SPRED1: variants seen among roughly 807,000 people sequenced by gnomAD.
SPRED1 encodes sprouty related EVH1 domain containing 1, also known as sprouty-related, EVH1 domain-containing protein 1.
In SPRED1, 18 loss-of-function variants were observed where a neutral mutation model predicts 52.3. That is an observed-to-expected ratio of 0.34 (90% confidence interval 0.24 to 0.51). The LOEUF (loss-of-function observed/expected upper bound fraction) is 0.51. Among genes scored for constraint, SPRED1 ranks in the 20% least tolerant of loss-of-function variants. The pLI is 0.97. For missense variants in SPRED1, 485 were observed against 551.0 expected, an observed-to-expected ratio of 0.88 and a Z score of 1.20; for synonymous variants, 155 against 179.7, an observed-to-expected ratio of 0.86 and a Z score of 1.10.
intron 1 of SPRED1, among the ~76,000 whole-genome samples, chr15:38,272,276 G>GTTTTTTGTTTT (rs1894451573): frequency 7.6e-6 from 1 of 131,426 alleles, no homozygotes; most frequent in African/African-American, 2.8e-5. Context: ...CGAATGCTAG[G>GTTTTTTGTTTT]TTTTTTTTTT....
chr15:38,267,010 A>G (rs891519332), intron 1 of SPRED1, among the ~76,000 whole-genome samples: 3 of 152,324 alleles, frequency 2.0e-5, no homozygotes, highest in Non-Finnish European at 4.4e-5. Context: ...AGATTTAGTC[A>G]GGTGGTATAA....
Position 38,316,748 on chromosome 15 carries a change from G to GGTTTTTTTTTT in SPRED1, c.208-5493_208-5492insGTTTTTTTTTT. 1.8e-3 allele frequency among the ~76,000 whole-genome samples: 75 copies of GGTTTTTTTTTT among 41,870 alleles called. 10 individuals carry two copies. The highest frequency in any genetic ancestry group is 9.2e-3 in the East Asian group (6 of 654). 27.5% of individuals were successfully genotyped at this position (41,870 alleles called of 152,430 possible). A position where few individuals can be genotyped will look rare whatever the true frequency, so the allele number is the denominator to read the frequency against. On this transcript the variant is annotated intron_variant, in intron 2 of 6. Transcript: ENST00000299084. ...TCTAGTTTACAATTTTCCATTATAT[G>GGTTTTTTTTTT]TTTTTTTTTTTTTTTTTTTTTTTTG... is the stretch of plus-strand genomic sequence containing the variant.
chr15:38,305,640 A>G (rs938943754), intron 2 of SPRED1, among the ~76,000 whole-genome samples: 3 of 150,462 alleles, frequency 2.0e-5, no homozygotes, highest in Admixed American at 2.0e-4. Context: ...GTATATAGAC[A>G]CAGTGACCAA....
At chr15:38,321,269 T>C (rs375168690) in intron 2 of SPRED1, among the ~76,000 whole-genome samples, 53 of 152,310 alleles carry the variant, frequency 3.5e-4, no homozygotes, top group African/African-American at 1.1e-3. Context: ...ACAGGAATTT[T>C]CTGTGTTATT....
At chr15:38,289,503 G>A (rs948307415) in intron 1 of SPRED1, among the ~76,000 whole-genome samples, 3 of 151,798 alleles carry the variant, frequency 2.0e-5, no homozygotes, top group South Asian at 2.1e-4. Flanking sequence ...CAGAACCTGT[G>A]AGTATGTTAG....
rs552969437 is a variant in SPRED1, at chr15:38,330,215, A to G, written c.423+5406A>G. On this transcript the variant is annotated intron_variant, in intron 4 of 6. Coordinates refer to ENST00000299084, the MANE Select transcript of SPRED1 (RefSeq NM_152594.3). The stretch of plus-strand genomic sequence containing the variant: ...GTTCTTCTGTTGAATAAGCCAGGTT[A>G]GAGGACTTGTTTTCCTTTACCACTA... Among the ~76,000 whole-genome samples the G allele has an allele frequency of 4.6e-5, 7 of 151,268 alleles. No individual in the cohort carries two copies. The South Asian group carries it at 8.3e-4, about 18-fold the overall frequency.
chr15:38,348,208 T>C (rs1192074876), intron 5 of SPRED1, among the ~76,000 whole-genome samples: 1 of 152,130 alleles, frequency 6.6e-6, no homozygotes, highest in African/African-American at 2.4e-5. Flanking sequence ...TTTTCTTTTT[T>C]TCACTTGACC....
At chr15:38,341,424 T>C (rs893893140) in intron 5 of SPRED1, among the ~76,000 whole-genome samples, 1 of 151,944 alleles carries the variant, frequency 6.6e-6, no homozygotes, top group African/African-American at 2.4e-5. Flanking sequence ...CCTTTTTTTC[T>C]CTCTTTTTCT....
intron 1 of SPRED1, among the ~76,000 whole-genome samples, chr15:38,263,086 G>A (rs1310123960): frequency 6.6e-6 from 1 of 152,192 alleles, no homozygotes; most frequent in African/African-American, 2.4e-5. Context: ...AGAGCATTTG[G>A]AACTATTGGG....
chr15:38,275,146 T>C (rs1894522398), intron 1 of SPRED1, among the ~76,000 whole-genome samples: 1 of 152,210 alleles, frequency 6.6e-6, no homozygotes, highest in African/African-American at 2.4e-5. Context: ...CCTTCTGCTT[T>C]TATTAATTGG....
chr15:38,289,388 G>A (rs1018292132), intron 1 of SPRED1, among the ~76,000 whole-genome samples: 3 of 150,568 alleles, frequency 2.0e-5, no homozygotes, highest in Non-Finnish European at 4.4e-5. Flanking sequence ...CTGATTTTTG[G>A]AGTTACTTTT....
intron 4 of SPRED1, among the ~76,000 whole-genome samples, chr15:38,336,292 C>T (rs1186680705): frequency 6.6e-6 from 1 of 150,928 alleles, no homozygotes; most frequent in African/African-American, 2.4e-5. Flanking sequence ...AAGTTTCTTG[C>T]ATATGCATGC....
chr15:38,299,636 A>C, intron 2 of SPRED1, 89 bp downstream of exon 2: 1 of 1,285,266 alleles, frequency 7.8e-7, no homozygotes, highest in Non-Finnish European at 1.1e-6. Context: ...AGTTTTTTTC[A>C]CCTGTGAATC....
rs1028574875 is a variant in SPRED1 at position 38,353,519 on chromosome 15, A to T, written c.*1855A>T. The T allele has an allele frequency of 2.0e-5, 3 of 152,550 alleles. No homozygotes were observed. Among genetic ancestry groups the T allele is most frequent in the African/African-American group, 4.8e-5 (2 of 41,450 alleles). 9.4% of individuals were successfully genotyped at this position (152,550 alleles called of 1,614,324 possible). ...AAAATCAATTGGATGAACTAAATCCAAAACATGACACTGTAGGCAGCAGTT... is the reference window on the plus strand; with the variant it reads ...AAAATCAATTGGATGAACTAAATCCTAAACATGACACTGTAGGCAGCAGTT... On this transcript the variant is annotated 3_prime_UTR_variant, in exon 7 of 7. Coordinates refer to ENST00000299084, the MANE Select transcript of SPRED1 (RefSeq NM_152594.3).
chr15:38,344,788 T>G (rs1896098197), intron 5 of SPRED1, among the ~76,000 whole-genome samples: 1 of 152,194 alleles, frequency 6.6e-6, no homozygotes. Flanking sequence ...ATAATACTCG[T>G]AAGTAATTCC....
chr15:38,322,108 A>G, intron 2 of SPRED1, 133 bp from the exon 3 acceptor site: 3 of 851,108 alleles, frequency 3.5e-6, no homozygotes. Flanking sequence ...TGTGAAGTAG[A>G]CCACTTTATT....
intron 1 of SPRED1, among the ~76,000 whole-genome samples, chr15:38,274,855 A>G (rs981614570): frequency 4.6e-5 from 7 of 152,204 alleles, no homozygotes; most frequent in East Asian, 3.8e-4. Flanking sequence ...CAACAATACT[A>G]TAGAGTGATG....
chr15:38,310,150 TG>T (rs1566863228), intron 2 of SPRED1, among the ~76,000 whole-genome samples: 1,509 of 141,960 alleles, frequency 0.011, 36 homozygotes, highest in African/African-American at 0.036. Flanking sequence ...TGTGTGTGTG[TG>T]TGTTTGGAGA....
At chr15:38,268,110 G>A (rs772731378) in intron 1 of SPRED1, 16 of 152,174 alleles carry the variant, frequency 1.1e-4, no homozygotes, top group Non-Finnish European at 2.1e-4. Flanking sequence ...ATATCATTTG[G>A]AGCACTTCAG....
Sources: gnomAD v4.1 joint callset for allele counts (sites outside exome capture counted in the v4.1 genomes callset) on GRCh38, gnomAD v4.1.1 for gene constraint, MANE v1.5 for transcripts, NCBI Gene and HGNC (gene_info 2026-07-23, HGNC 2026-07-21) for gene names.